Variants in PPARGC1A observed in about 807,000 individuals in gnomAD.
PPARGC1A encodes PPARG coactivator 1 alpha.
PPARGC1A carries 25 observed loss-of-function variants against 88.7 expected under a neutral mutation model. The observed-to-expected ratio is 0.28, with a 90% CI of 0.21 to 0.39. PPARGC1A has a LOEUF of 0.39. Ranked by LOEUF, PPARGC1A falls within the 10% of genes least tolerant of loss-of-function variation. PPARGC1A has a pLI of 1.00. For synonymous variants in PPARGC1A, 363 were observed against 355.6 expected, an observed-to-expected ratio of 1.02 and a Z score of -0.24; for missense variants, 880 against 968.7, an observed-to-expected ratio of 0.91 and a Z score of 1.22.
the PPARGC1A span, among the ~76,000 whole-genome samples, chr4:23,910,334 ATATATAT>A: frequency 8.5e-5 from 5 of 58,620 alleles, no homozygotes; most frequent in South Asian, 1.1e-3. Flanking sequence ...ATTATATATT[ATATATAT>A]TATATATTAT....
chr4:24,020,146 T>G, the PPARGC1A span, among the ~76,000 whole-genome samples: 1 of 152,176 alleles, frequency 6.6e-6, no homozygotes, highest in East Asian at 1.9e-4. Context: ...AAAGAGGAAC[T>G]GCAATATTGA....
the PPARGC1A span, among the ~76,000 whole-genome samples, chr4:24,245,026 G>C: frequency 2.0e-4 from 31 of 151,406 alleles, no homozygotes; most frequent in Non-Finnish European, 2.4e-4. Context: ...AGAAGAAAAA[G>C]AAAAAAAAGA....
At chr4:24,385,949 T>A in the PPARGC1A span, among the ~76,000 whole-genome samples, 1 of 151,862 alleles carries the variant, frequency 6.6e-6, no homozygotes, top group African/African-American at 2.4e-5. Flanking sequence ...AAAAAGAAAA[T>A]TTCAGGCCAA....
Position 23,884,925 on chromosome 4 carries a change from C to A in PPARGC1A, c.61G>T (p.Ala21Ser). ...AGAGGCTGGTCTTCACCAACCAGAG[C>A]AGCACACTGCAGGAGGCAGAAAAAA... Reference protein sequence around the residue: ...ESVWSDIECAALVGEDQPLCP... With the variant: ...ESVWSDIECASLVGEDQPLCP... The change falls in exon 2 of 13, where the codon GCT (alanine) becomes TCT (serine). Residue 21 changes from alanine (A) to serine (S), a missense_variant. By Grantham distance (99) the Ala-to-Ser change is moderately conservative (BLOSUM62 1). Transcript: ENST00000264867. 1 of 1,594,934 alleles carries A rather than the reference C, an allele frequency of 6.3e-7. No homozygotes were observed. Among genetic ancestry groups the A allele is most frequent in the Non-Finnish European group, 8.5e-7 (1 of 1,171,776 alleles).
chr4:24,108,561 T>A, the PPARGC1A span, among the ~76,000 whole-genome samples: 1 of 152,210 alleles, frequency 6.6e-6, no homozygotes, highest in South Asian at 2.1e-4. Context: ...TGCTGTATCC[T>A]GTCCATCCAT....
the PPARGC1A span, among the ~76,000 whole-genome samples, chr4:24,191,126 A>G: frequency 2.6e-5 from 4 of 152,226 alleles, no homozygotes. Context: ...TTAACAAGGC[A>G]TGAAAAAGTT....
chr4:24,435,005 C>G, the PPARGC1A span, among the ~76,000 whole-genome samples: 18 of 152,302 alleles, frequency 1.2e-4, 1 homozygote, highest in Admixed American at 1.2e-3. Context: ...ACTTTTATTT[C>G]CAAAGAAATA....
intron 10 of PPARGC1A, among the ~76,000 whole-genome samples, chr4:23,805,112 C>T (rs1719549085): frequency 6.9e-6 from 1 of 145,836 alleles, no homozygotes; most frequent in African/African-American, 2.4e-5. Flanking sequence ...ATCAATTAAT[C>T]ATCTTGAACA....
chr4:24,270,306 C>CCTCTCT, the PPARGC1A span, among the ~76,000 whole-genome samples: 2 of 147,482 alleles, frequency 1.4e-5, no homozygotes, highest in African/African-American at 5.0e-5. Flanking sequence ...AATAAATCAA[C>CCTCTCT]CTCTCTCTCT....
At chr4:23,999,137 A>G in the PPARGC1A span, among the ~76,000 whole-genome samples, 1 of 152,134 alleles carries the variant, frequency 6.6e-6, no homozygotes, top group African/African-American at 2.4e-5. Context: ...GTGCATATCT[A>G]CGAGAATACC....
intron 12 of PPARGC1A, among the ~76,000 whole-genome samples, chr4:23,799,978 C>A (rs756488730): frequency 6.6e-5 from 10 of 152,210 alleles, no homozygotes; most frequent in Non-Finnish European, 1.2e-4. Flanking sequence ...ATATTTTCAT[C>A]CCTAGCCTGC....
At chr4:24,262,560 T>C in the PPARGC1A span, among the ~76,000 whole-genome samples, 1 of 152,226 alleles carries the variant, frequency 6.6e-6, no homozygotes, top group Non-Finnish European at 1.5e-5. Flanking sequence ...AGTGAAAATA[T>C]TCCACCCAGT....
intron 5 of PPARGC1A, among the ~76,000 whole-genome samples, chr4:23,825,604 TC>T (rs1196780235): frequency 3.9e-5 from 6 of 152,144 alleles, no homozygotes; most frequent in African/African-American, 1.4e-4. Flanking sequence ...GAAATTGCAT[TC>T]AACGACTTTA....
chr4:23,879,431 G>A (rs61076774), intron 2 of PPARGC1A, among the ~76,000 whole-genome samples: 20,714 of 152,168 alleles, frequency 0.14, 2,104 homozygotes, highest in African/African-American at 0.29. Flanking sequence ...TGACTCACGA[G>A]TCTAGGAAAG....
At chr4:23,905,398 A>G (rs980360251), upstream of PPARGC1A, among the ~76,000 whole-genome samples, 1 of 152,212 alleles carries the variant, frequency 6.6e-6, no homozygotes, top group Non-Finnish European at 1.5e-5. Context: ...GCTTAACTCA[A>G]TAATGCCATC....
chr4:24,443,435 A>G, the PPARGC1A span, among the ~76,000 whole-genome samples: 2 of 152,164 alleles, frequency 1.3e-5, no homozygotes, highest in Non-Finnish European at 2.9e-5. Context: ...ATGTGGAAAC[A>G]TAAAGGTGGG....
At chr4:24,067,135 C>A in the PPARGC1A span, among the ~76,000 whole-genome samples, 1 of 151,998 alleles carries the variant, frequency 6.6e-6, no homozygotes, top group Non-Finnish European at 1.5e-5. Context: ...GATTTACTTT[C>A]CATGATTAAT....
the PPARGC1A span, among the ~76,000 whole-genome samples, chr4:24,128,299 T>C: frequency 2.0e-5 from 3 of 152,204 alleles, no homozygotes; most frequent in Non-Finnish European, 2.9e-5. Context: ...AATACTAGCA[T>C]ATATCTTATA....
the PPARGC1A span, among the ~76,000 whole-genome samples, chr4:24,045,160 T>A: frequency 6.6e-6 from 1 of 152,216 alleles, no homozygotes; most frequent in African/African-American, 2.4e-5. Flanking sequence ...CACTGCTATG[T>A]CAACTGGTGC....
Sources: gnomAD v4.1 joint callset for allele counts (sites outside exome capture counted in the v4.1 genomes callset) on GRCh38, gnomAD v4.1.1 for gene constraint, MANE v1.5 for transcripts, NCBI Gene and HGNC (gene_info 2026-07-23, HGNC 2026-07-21) for gene names.